Variants in HID1 observed in about 807,000 individuals in gnomAD.
HID1 encodes HID1 domain containing, also known as protein HID1.
HID1 carries 42 observed loss-of-function variants against 89.7 expected under a neutral mutation model. The observed-to-expected ratio is 0.47, with a 90% confidence interval of 0.37 to 0.61. The LOEUF (loss-of-function observed/expected upper bound fraction) is 0.61. Ranked by LOEUF, HID1 falls within the 20% of genes least tolerant of loss-of-function variation. The pLI is 0.00. For synonymous variants in HID1, 442 were observed against 433.8 expected, an observed-to-expected ratio of 1.02 and a Z score of -0.24; for missense variants, 854 against 1,039.3, an observed-to-expected ratio of 0.82 and a Z score of 2.45.
At chr17:74,965,297 T>G (rs2039545393) in intron 1 of HID1, among the ~76,000 whole-genome samples, 1 of 152,188 alleles carries the variant, frequency 6.6e-6, no homozygotes, top group African/African-American at 2.4e-5. Context: ...CGAGGTGGCA[T>G]CCTGCATGCA....
chr17:74,958,178 C>A lies in HID1; in HGVS notation c.1434G>T (p.Gln478His). The A allele has an allele frequency of 6.2e-7, 1 of 1,611,114 alleles. No individual in the cohort carries two copies. Among genetic ancestry groups the A allele is most frequent in the Non-Finnish European group, 8.5e-7 (1 of 1,178,952 alleles). The part of the protein sequence containing the change: ...KIITSGHQRL[Q>H]PLFDCLLTIV... ...TGGTGAGCAGGCAGTCGAAGAGGGG[C>A]TGCAACCGCTGGTGCCCGCTGGTGA... Residue 478 changes from glutamine (Q) to histidine (H), a missense_variant, in exon 12 of 19, where the codon CAG (glutamine) becomes CAT (histidine). Gln to His is a conservative substitution (Grantham distance 24). Transcript: ENST00000425042. The surrounding 1 kb of genome is among the most constrained non-coding windows in gnomAD (Gnocchi z 5.2).
chr17:74,959,118 G>T lies in HID1; in HGVS notation c.1009-67C>A. On this transcript the variant is annotated intron_variant, in intron 8 of 18. Coordinates refer to ENST00000425042, the MANE Select transcript of HID1 (RefSeq NM_030630.3). This position sits in a 1 kb window ranked among gnomAD's most constrained non-coding sequence, Gnocchi z 4.6. ...CCTGCAGCTCCAGTTTCCCAGCCCAGGCCCCCAACAAATCCCCCCCTCCAT... is the reference window on the plus strand; with the variant it reads ...CCTGCAGCTCCAGTTTCCCAGCCCATGCCCCCAACAAATCCCCCCCTCCAT... 1.4e-6 allele frequency: 2 copies of T among 1,466,268 alleles called. No homozygotes were observed. Among genetic ancestry groups the T allele is most frequent in the East Asian group, 4.7e-5 (2 of 42,512 alleles). 90.8% of individuals were successfully genotyped at this position (1,466,268 alleles called of 1,614,324 possible). A position where few individuals can be genotyped will look rare whatever the true frequency, so the allele number is the denominator to read the frequency against.
rs117332710 is a variant in HID1, at chr17:74,953,769, C to T, written c.1865-118G>A. On this transcript the variant is annotated intron_variant, in intron 14 of 18. Coordinates refer to ENST00000425042, the MANE Select transcript of HID1 (RefSeq NM_030630.3). ...TCCTGCTTCCCTCTGGAACCTCCACCGGCTCTAGAGGCAGTGTCTGATCAC... is the reference window on the plus strand; with the variant it reads ...TCCTGCTTCCCTCTGGAACCTCCACTGGCTCTAGAGGCAGTGTCTGATCAC... 106 of 778,738 alleles carry T rather than the reference C, an allele frequency of 1.4e-4. 1 individual carries two copies. The Admixed American group carries it at 1.6e-3, about 12-fold the overall frequency. The allele number at this position is 778,738 out of a possible 1,614,324, so 48.2% of individuals were successfully genotyped here.
intron 1 of HID1, among the ~76,000 whole-genome samples, chr17:74,969,264 G>A (rs1364975608): frequency 1.3e-5 from 2 of 151,080 alleles, no homozygotes; most frequent in Non-Finnish European, 3.0e-5. Context: ...GTGCAATCTC[G>A]GCTTACTGCA....
Position 74,955,921 on chromosome 17 carries a change from C to A in HID1, c.1507G>T (p.Ala503Ser), listed in dbSNP as rs746182882. 6.2e-7 allele frequency: 1 copy of A among 1,613,890 alleles called. No homozygotes were observed. Among genetic ancestry groups the A allele is most frequent in the Admixed American group, 1.7e-5 (1 of 59,996 alleles). ...TCCAGCAGGTGCAGCAACTTGTTGGCAGTCACCATGGACAGGCTCTTGAGG... is the reference window on the plus strand; with the variant it reads ...TCCAGCAGGTGCAGCAACTTGTTGGAAGTCACCATGGACAGGCTCTTGAGG... ...PYLKSLSMVTANKLLHLLEAF... is the reference protein window; with the variant it reads ...PYLKSLSMVTSNKLLHLLEAF... Residue 503 changes from alanine (A) to serine (S), a missense_variant, in exon 13 of 19, where the codon GCC (alanine) becomes TCC (serine). Ala to Ser is a moderately conservative substitution (Grantham distance 99). Coordinates refer to ENST00000425042, the MANE Select transcript of HID1 (RefSeq NM_030630.3).
At chr17:74,961,066 C>G (rs1321527399) in intron 6 of HID1, among the ~76,000 whole-genome samples, 1 of 152,036 alleles carries the variant, frequency 6.6e-6, no homozygotes, top group African/African-American at 2.4e-5. Context: ...GAGTCCCACA[C>G]AGCAGCCTCA....
intron 16 of HID1, 118 bp downstream of exon 16, chr17:74,952,888 G>A: frequency 1.3e-6 from 1 of 743,078 alleles, no homozygotes; most frequent in South Asian, 1.9e-5. Context: ...CTTTGATTCG[G>A]ACATCTTGCC....
chr17:74,962,483 T>C lies in HID1; in HGVS notation c.505-143A>G. The C allele has an allele frequency of 1.8e-6, 1 of 566,430 alleles. No individual in the cohort carries two copies. The highest frequency in any genetic ancestry group is 3.0e-5 in the East Asian group (1 of 33,616). The allele number at this position is 566,430 out of a possible 1,614,324, so 35.1% of individuals were successfully genotyped here. A position where few individuals can be genotyped will look rare whatever the true frequency, so the allele number is the denominator to read the frequency against. On this transcript the variant is annotated intron_variant, in intron 4 of 18. Coordinates refer to ENST00000425042, the MANE Select transcript of HID1 (RefSeq NM_030630.3). This position sits in a 1 kb window ranked among gnomAD's most constrained non-coding sequence, Gnocchi z 4.3. ...CTAAAGACAGGTCCTCAAAATGGCC[T>C]GGCCCTCATGCACAAGAGCAGGAGT...
At position 74,951,538 on chromosome 17, in the gene HID1, C is replaced by T; in HGVS notation, c.*32G>A. 1 of 1,596,418 alleles carries T rather than the reference C, an allele frequency of 6.3e-7. No individual in the cohort carries two copies. Among genetic ancestry groups the T allele is most frequent in the Non-Finnish European group, 8.5e-7 (1 of 1,169,800 alleles). On this transcript the variant is annotated 3_prime_UTR_variant, in exon 19 of 19. Transcript: ENST00000425042. ...GCCTCAGGGACCAAGGCCCTGCCTT[C>T]CCCTAGACTGAGCCCCTCGTCGGCT...
rs371616163 is a variant in HID1 at position 74,958,426 on chromosome 17, C to T, written c.1293G>A (p.Gly431=). The change falls in exon 11 of 19, where the codon GGG becomes GGA. Residue 431 remains glycine (G), a synonymous_variant. Coordinates refer to ENST00000425042, the MANE Select transcript of HID1 (RefSeq NM_030630.3). This position sits in a 1 kb window ranked among gnomAD's most constrained non-coding sequence, Gnocchi z 5.2. ...TCAGCCGCACCCCGAAGTTCCGCTCCCCGCTCAGAAGCAGCAAGATGAAGA... is the reference window on the plus strand; with the variant it reads ...TCAGCCGCACCCCGAAGTTCCGCTCTCCGCTCAGAAGCAGCAAGATGAAGA... ...IGVFILLLLS[G]ERNFGVRLNK... is the part of the protein sequence containing the mutation. 1 of 1,604,552 alleles carries T rather than the reference C, an allele frequency of 6.2e-7. No individual in the cohort carries two copies. Among genetic ancestry groups the T allele is most frequent in the Non-Finnish European group, 8.5e-7 (1 of 1,175,620 alleles).
At position 74,972,235 on chromosome 17, in the gene HID1, G is replaced by A. The variant is rs1473321395; in HGVS notation, c.66+356C>T. On this transcript the variant is annotated intron_variant, in intron 1 of 18. Transcript: ENST00000425042. The surrounding 1 kb of genome is among the most constrained non-coding windows in gnomAD (Gnocchi z 6.4). ...AGGGAGGGGAGCGGACGGTGGATGG[G>A]TGGGTGGGGGCGGCGGGAGGCTGGA... Among the ~76,000 whole-genome samples the A allele has an allele frequency of 6.6e-6, 1 of 151,608 alleles. No homozygotes were observed. Among genetic ancestry groups the A allele is most frequent in the Non-Finnish European group, 1.5e-5 (1 of 67,862 alleles).
rs2039447684 is a variant in HID1 at position 74,959,542 on chromosome 17, C to G, written c.1008+339G>C. Among the ~76,000 whole-genome samples, 1 of 152,180 alleles carries G rather than the reference C, an allele frequency of 6.6e-6. No homozygotes were observed. Among genetic ancestry groups the G allele is most frequent in the African/African-American group, 2.4e-5 (1 of 41,422 alleles). On this transcript the variant is annotated intron_variant, in intron 8 of 18. Transcript: ENST00000425042. The surrounding 1 kb of genome is among the most constrained non-coding windows in gnomAD (Gnocchi z 4.6). ...TGTTTTAGCTGCAGAAGTTAGAACT[C>G]TGGGAGTTCAAGCACCTTCCCACCA... is the stretch of plus-strand genomic sequence containing the variant.
At chr17:74,971,515 T>G (rs577597763) in intron 1 of HID1, among the ~76,000 whole-genome samples, 1 of 152,298 alleles carries the variant, frequency 6.6e-6, no homozygotes, top group East Asian at 1.9e-4. Flanking sequence ...CCTGGAGCTG[T>G]GACCAGCTGG....
At chr17:74,971,058 G>A (rs540318671) in intron 1 of HID1, among the ~76,000 whole-genome samples, 1 of 152,326 alleles carries the variant, frequency 6.6e-6, no homozygotes, top group African/African-American at 2.4e-5. Context: ...AAGACAGAGG[G>A]ACACAGTATT....
chr17:74,962,955 G>A lies in HID1; in HGVS notation c.504+10C>T. 6.3e-7 allele frequency: 1 copy of A among 1,591,988 alleles called. No individual in the cohort carries two copies. Among genetic ancestry groups the A allele is most frequent in the Non-Finnish European group, 8.6e-7 (1 of 1,162,218 alleles). On this transcript the variant is annotated intron_variant, in intron 4 of 18. Transcript: ENST00000425042. The surrounding 1 kb of genome is among the most constrained non-coding windows in gnomAD (Gnocchi z 4.3). ...CTCCGCCTGGGGGTGGGGGGCTGGG[G>A]GACACTCACCACAGTGCTCCTCCGG...
In HID1 at chr17:74,960,042, G is replaced by A. The variant is rs751895088; in HGVS notation, c.935C>T (p.Ala312Val). The A allele has an allele frequency of 1.9e-6, 3 of 1,613,592 alleles. No homozygotes were observed. The highest frequency in any genetic ancestry group is 3.3e-5 in the Admixed American group (2 of 60,026). ...CATCCTTACATCGGCATCATCCATG[G>A]CGGTGCCAGTGGTGGTGCCGTCCAC... ...PTVDGTTTGT[A>V]MDDADPPGPE... Residue 312 changes from alanine to valine, a missense_variant, in exon 7 of 19, where the codon GCC (alanine) becomes GTC (valine). Ala to Val is a moderately conservative substitution (Grantham distance 64, BLOSUM62 0). Coordinates refer to ENST00000425042, the MANE Select transcript of HID1 (RefSeq NM_030630.3).
rs542685650 is a variant in HID1 at position 74,959,751 on chromosome 17, C to T, written c.1008+130G>A. On this transcript the variant is annotated intron_variant, in intron 8 of 18. Transcript: ENST00000425042. This position sits in a 1 kb window ranked among gnomAD's most constrained non-coding sequence, Gnocchi z 4.6. Reference sequence around the variant, plus strand: ...TCTTGAAACCCTCACAGTCCTGCCACTATTTCACCTAGGGTGGCCCCAGCC... The same window carrying T: ...TCTTGAAACCCTCACAGTCCTGCCATTATTTCACCTAGGGTGGCCCCAGCC... 2 of 952,884 alleles carry T rather than the reference C, an allele frequency of 2.1e-6. No homozygotes were observed. The highest frequency in any genetic ancestry group is 1.6e-5 in the African/African-American group (1 of 61,950). The allele number at this position is 952,884 out of a possible 1,614,324, so 59.0% of individuals were successfully genotyped here. A position where few individuals can be genotyped will look rare whatever the true frequency, so the allele number is the denominator to read the frequency against.
chr17:74,969,958 T>G lies in HID1; in HGVS notation c.66+2633A>C, dbSNP rs556996195. On this transcript the variant is annotated intron_variant, in intron 1 of 18. Coordinates refer to ENST00000425042, the MANE Select transcript of HID1 (RefSeq NM_030630.3). ...TTTTTTTTGAGGCAGAGTTTCGCTC[T>G]TGTTGCCCAAGCTAGAAGCATGATC... 3.0e-5 allele frequency among the ~76,000 whole-genome samples: 4 copies of G among 133,924 alleles called. No homozygotes were observed. The South Asian group carries it at 9.6e-4, about 32-fold the overall frequency. The allele number at this position is 133,924 out of a possible 152,430, so 87.9% of individuals were successfully genotyped here. A position where few individuals can be genotyped will look rare whatever the true frequency, so the allele number is the denominator to read the frequency against.
chr17:74,972,525 A>T lies in HID1; in HGVS notation c.66+66T>A. 7.0e-7 allele frequency: 1 copy of T among 1,423,898 alleles called. No individual in the cohort carries two copies. Among genetic ancestry groups the T allele is most frequent in the Middle Eastern group, 2.1e-4 (1 of 4,856 alleles). 88.2% of individuals were successfully genotyped at this position (1,423,898 alleles called of 1,614,324 possible). A position where few individuals can be genotyped will look rare whatever the true frequency, so the allele number is the denominator to read the frequency against. On this transcript the variant is annotated intron_variant, in intron 1 of 18. Coordinates refer to ENST00000425042, the MANE Select transcript of HID1 (RefSeq NM_030630.3). This position sits in a 1 kb window ranked among gnomAD's most constrained non-coding sequence, Gnocchi z 6.4. ...ATCTCCCGACGAGCCAAGTTCGCGT[A>T]CCCCCGGCCCTGCCCAGCCCCCAGC...
Sources: gnomAD v4.1 joint callset for allele counts (sites outside exome capture counted in the v4.1 genomes callset) on GRCh38, gnomAD v4.1.1 for gene constraint, Gnocchi (gnomAD v3.1) non-coding constraint, MANE v1.5 for transcripts, NCBI Gene and HGNC (gene_info 2026-07-23, HGNC 2026-07-21) for gene names.